Variants in ANO2 observed in about 807,000 individuals in gnomAD.
ANO2 encodes the protein anoctamin 2, also known as anoctamin-2.
In ANO2, 101 loss-of-function variants were observed where a neutral mutation model predicts 124.2. The ratio of observed to expected loss-of-function variants is 0.81; its 90% confidence interval spans 0.69 to 0.96. The LOEUF is 0.96. ANO2 is among the 40% of genes least tolerant of loss of function. The pLI is 0.00. For missense variants in ANO2, 1,293 were observed against 1,274.5 expected (o/e 1.01, Z -0.22); for synonymous variants, 486 against 482.5 (o/e 1.01, Z -0.09).
At chr12:5,784,680 C>A (rs1431431460) in intron 10 of ANO2, among the ~76,000 whole-genome samples, 1 of 152,156 alleles carries the variant, frequency 6.6e-6, no homozygotes, top group Non-Finnish European at 1.5e-5. Flanking sequence ...TCTTCCTAAA[C>A]CTCCTCCCTG....
intron 14 of ANO2, among the ~76,000 whole-genome samples, chr12:5,651,005 G>T (rs17723452): frequency 0.039 from 5,871 of 152,340 alleles, 173 homozygotes; most frequent in Non-Finnish European, 0.057. Flanking sequence ...TCCCACCTAA[G>T]TGGCCCAGGT....
intron 5 of ANO2, 137 bp downstream of exon 5, chr12:5,832,315 T>A (rs756346767): frequency 6.7e-5 from 66 of 983,112 alleles, no homozygotes; most frequent in Non-Finnish European, 9.6e-5. Flanking sequence ...AATGTCACCA[T>A]GAGAGCATGC....
At chr12:5,792,005 T>C (rs1952712922) in intron 10 of ANO2, among the ~76,000 whole-genome samples, 1 of 152,148 alleles carries the variant, frequency 6.6e-6, no homozygotes, top group Non-Finnish European at 1.5e-5. Flanking sequence ...ATACATTTAT[T>C]TGTATTTATT....
chr12:5,863,461 C>T (rs1009779734), intron 3 of ANO2, among the ~76,000 whole-genome samples: 1 of 152,194 alleles, frequency 6.6e-6, no homozygotes, highest in African/African-American at 2.4e-5. Flanking sequence ...TGTCACTTAC[C>T]AGCTGCACCA....
At chr12:5,578,603 T>C in intron 20 of ANO2, 85 bp from the exon 21 acceptor site, 7 of 1,403,460 alleles carry the variant, frequency 5.0e-6, no homozygotes, top group East Asian at 2.5e-5. Context: ...CCCCTTGTCC[T>C]TTCTGCCTTG....
At chr12:5,617,975 T>C (rs1215039770) in intron 16 of ANO2, among the ~76,000 whole-genome samples, 1 of 152,214 alleles carries the variant, frequency 6.6e-6, no homozygotes, top group Non-Finnish European at 1.5e-5. Context: ...AAGTGGTTTA[T>C]TTGAGAGGGG....
At chr12:5,828,638 T>A (rs1279521985) in intron 6 of ANO2, among the ~76,000 whole-genome samples, 1 of 152,182 alleles carries the variant, frequency 6.6e-6, no homozygotes, top group African/African-American at 2.4e-5. Flanking sequence ...AAGCCCTACA[T>A]GCCCAAAACA....
chr12:5,867,442 C>T (rs867877807), intron 3 of ANO2, among the ~76,000 whole-genome samples: 1 of 152,120 alleles, frequency 6.6e-6, no homozygotes, highest in African/African-American at 2.4e-5. Context: ...TGAGAGACAC[C>T]AAACATGCTT....
chr12:5,732,433 T>C (rs1447893491), intron 14 of ANO2, 87 bp downstream of exon 14: 3 of 1,113,342 alleles, frequency 2.7e-6, no homozygotes, highest in Non-Finnish European at 3.9e-6. Context: ...TCAAGCCCAG[T>C]CTCCCTTCAC....
intron 14 of ANO2, among the ~76,000 whole-genome samples, chr12:5,665,889 AT>A (rs146435693): frequency 1.3e-5 from 2 of 151,780 alleles, no homozygotes; most frequent in Non-Finnish European, 1.5e-5. Context: ...TGGCTGGGGG[AT>A]TTTTTTCCAA....
chr12:5,620,442 G>C (rs1173632689), intron 16 of ANO2, among the ~76,000 whole-genome samples: 1 of 152,214 alleles, frequency 6.6e-6, no homozygotes, highest in African/African-American at 2.4e-5. Flanking sequence ...AGGGAATCTG[G>C]AGACAGCAGT....
Position 5,923,163 on chromosome 12 carries a change from T to C in ANO2, c.23-359A>G, listed in dbSNP as rs865868724. On this transcript the variant is annotated intron_variant, in intron 1 of 24. Coordinates refer to ENST00000682330, the MANE Select transcript of ANO2 (RefSeq NM_001364791.2). ...ACACATGCACACATACACACACGCA[T>C]ACACACACACGCACACACACATACA... Among the ~76,000 whole-genome samples, 58 of 16,116 alleles carry C rather than the reference T, an allele frequency of 3.6e-3. 5 individuals are homozygous for C. The highest frequency in any genetic ancestry group is 0.024 in the East Asian group (1 of 42). 10.6% of individuals were successfully genotyped at this position (16,116 alleles called of 152,430 possible).
At chr12:5,761,714 T>G (rs1951750909) in intron 10 of ANO2, among the ~76,000 whole-genome samples, 3 of 152,174 alleles carry the variant, frequency 2.0e-5, no homozygotes, top group African/African-American at 7.2e-5. Flanking sequence ...ATAAACCAAA[T>G]ACTCCTAAAA....
intron 3 of ANO2, among the ~76,000 whole-genome samples, chr12:5,888,542 T>G (rs1408521420): frequency 6.6e-6 from 1 of 152,138 alleles, no homozygotes; most frequent in East Asian, 1.9e-4. Flanking sequence ...GACAGGGTGC[T>G]GACTGGTGTG....
At chr12:5,848,165 T>C (rs1399475972) in intron 4 of ANO2, among the ~76,000 whole-genome samples, 3 of 152,206 alleles carry the variant, frequency 2.0e-5, no homozygotes, top group African/African-American at 7.2e-5. Context: ...GTCCCTTGTA[T>C]TGTTCATGTC....
At chr12:5,809,931 T>C (rs189212664) in intron 7 of ANO2, among the ~76,000 whole-genome samples, 3 of 152,370 alleles carry the variant, frequency 2.0e-5, no homozygotes, top group Non-Finnish European at 4.4e-5. Flanking sequence ...CCTTCCTCAC[T>C]GCTTTGTTGA....
intron 15 of ANO2, among the ~76,000 whole-genome samples, chr12:5,644,634 G>A (rs1946540376): frequency 6.6e-6 from 1 of 152,014 alleles, no homozygotes; most frequent in Admixed American, 6.6e-5. Context: ...GGTTCATATA[G>A]GTTTTCTCAC....
At chr12:5,808,475 C>T (rs1333685571) in intron 7 of ANO2, among the ~76,000 whole-genome samples, 1 of 152,098 alleles carries the variant, frequency 6.6e-6, no homozygotes, top group African/African-American at 2.4e-5. Flanking sequence ...GTCTCACCAA[C>T]TCGTAGTACC....
At chr12:5,608,925 T>C (rs1050323022) in intron 19 of ANO2, 2 of 152,228 alleles carry the variant, frequency 1.3e-5, no homozygotes, top group African/African-American at 4.8e-5. Context: ...AAGCTGTAAA[T>C]AATTCTACTC....
Sources: allele counts gnomAD v4.1 joint callset (sites outside exome capture counted in the v4.1 genomes callset), GRCh38; gene constraint gnomAD v4.1.1; transcripts MANE v1.5; gene names NCBI Gene and HGNC (gene_info 2026-07-23, HGNC 2026-07-21).